The following SLC25A33 variants were observed in gnomAD, a reference collection of about 807,000 sequenced individuals.
SLC25A33 encodes bone marrow stromal cell mitochondrial carrier protein.
In SLC25A33, 15 loss-of-function variants were observed where a neutral mutation model predicts 35.5. That is an observed-to-expected ratio of 0.42 (90% CI 0.28 to 0.65). The LOEUF (loss-of-function observed/expected upper bound fraction) is 0.65. SLC25A33 is among the 30% of genes least tolerant of loss of function. SLC25A33 has a pLI of 0.20. For synonymous variants in SLC25A33, 136 were observed against 148.7 expected, an observed-to-expected ratio of 0.91 and a Z score of 0.62; for missense variants, 257 against 398.5, an observed-to-expected ratio of 0.64 and a Z score of 3.02.
chr1:9,571,303 T>G (rs2100404276), intron 4 of SLC25A33, among the ~76,000 whole-genome samples: 1 of 152,214 alleles, frequency 6.6e-6, no homozygotes, highest in East Asian at 1.9e-4. Flanking sequence ...CTTTTTTGTT[T>G]GTTTGTTTTT....
intron 2 of SLC25A33, chr1:9,556,113 G>A (rs1015207075): frequency 4.9e-6 from 4 of 824,270 alleles, no homozygotes; most frequent in African/African-American, 3.7e-5. Flanking sequence ...GGACAGATCC[G>A]AGTCCATGGC....
intron 1 of SLC25A33, among the ~76,000 whole-genome samples, chr1:9,542,440 T>C (rs1002173109): frequency 1.3e-5 from 2 of 152,310 alleles, no homozygotes; most frequent in East Asian, 3.9e-4. Flanking sequence ...CAAAAGTATG[T>C]TTTCAGAGTA....
chr1:9,562,714 C>G (rs999248909), intron 2 of SLC25A33, among the ~76,000 whole-genome samples: 1 of 151,118 alleles, frequency 6.6e-6, no homozygotes, highest in Non-Finnish European at 1.5e-5. Flanking sequence ...ATTAGCTGGG[C>G]GTAGTGGCGG....
At chr1:9,566,025 C>A (rs763277670) in intron 2 of SLC25A33, among the ~76,000 whole-genome samples, 1 of 151,936 alleles carries the variant, frequency 6.6e-6, no homozygotes, top group Non-Finnish European at 1.5e-5. Context: ...TCTGCCCTCC[C>A]CCGCCAACTT....
chr1:9,562,347 CA>C (rs56748646), intron 2 of SLC25A33, among the ~76,000 whole-genome samples: 261 of 84,152 alleles, frequency 3.1e-3, no homozygotes, highest in East Asian at 5.7e-3. Context: ...GACTCCATCT[CA>C]AAAAAAAAAA....
At position 9,578,303 on chromosome 1, in the gene SLC25A33, G is replaced by A. The variant is rs189434128; in HGVS notation, c.483-1651G>A. 2.4e-3 allele frequency among the ~76,000 whole-genome samples: 366 copies of A among 152,252 alleles called. No homozygotes were observed. Among genetic ancestry groups the A allele is most frequent in the Middle Eastern group, 6.8e-3 (2 of 294 alleles). On this transcript the variant is annotated intron_variant, in intron 5 of 6. Coordinates refer to ENST00000302692, the MANE Select transcript of SLC25A33 (RefSeq NM_032315.3). This position sits in a 1 kb window ranked among gnomAD's most constrained non-coding sequence, Gnocchi z 4.3. Reference sequence around the variant, plus strand: ...GCTAAGGAGCGGGAACAGTCTATGCGGAGATAATAAAGAAGGGAGAGAGGC... The same window carrying A: ...GCTAAGGAGCGGGAACAGTCTATGCAGAGATAATAAAGAAGGGAGAGAGGC...
chr1:9,577,576 CT>C (rs1374930661), intron 5 of SLC25A33, among the ~76,000 whole-genome samples: 1 of 152,054 alleles, frequency 6.6e-6, no homozygotes, highest in African/African-American at 2.4e-5. Flanking sequence ...TGCATCTGCG[CT>C]GGAGAAGGGA....
At chr1:9,580,728 C>T (rs976230645) in intron 6 of SLC25A33, among the ~76,000 whole-genome samples, 4 of 151,714 alleles carry the variant, frequency 2.6e-5, no homozygotes, top group African/African-American at 7.3e-5. Context: ...TGGTGGCGCA[C>T]GCCTGTAGTC....
Position 9,561,186 on chromosome 1 carries a change from G to A in SLC25A33, c.237-6098G>A, listed in dbSNP as rs575656090. 1.1e-4 allele frequency among the ~76,000 whole-genome samples: 16 copies of A among 152,136 alleles called. No individual in the cohort carries two copies. The South Asian group carries it at 2.7e-3, about 26-fold the overall frequency. ...ACTCCATCTCCTGGCCTTGTGATCCGCCCGCTTCGGCCTCCCAAAGTGCTG... is the reference window on the plus strand; with the variant it reads ...ACTCCATCTCCTGGCCTTGTGATCCACCCGCTTCGGCCTCCCAAAGTGCTG... On this transcript the variant is annotated intron_variant, in intron 2 of 6. Transcript: ENST00000302692.
chr1:9,576,600 C>T, intron 5 of SLC25A33: 1 of 575,920 alleles, frequency 1.7e-6, no homozygotes, highest in East Asian at 4.5e-5. Flanking sequence ...GGTGGGGTAA[C>T]AGAAAGGAAC....
chr1:9,556,681 C>CTG lies in SLC25A33; in HGVS notation c.236+2894_236+2895dup, dbSNP rs139323135. The stretch of plus-strand genomic sequence containing the variant: ...TAAGAGATTGTGTGTGTGTCTGTGT[C>CTG]TGTGTGTGTGTGTGTGTGTCTGTGT... On this transcript the variant is annotated intron_variant, in intron 2 of 6. Coordinates refer to ENST00000302692, the MANE Select transcript of SLC25A33 (RefSeq NM_032315.3). Among the ~76,000 whole-genome samples the CTG allele has an allele frequency of 1.5e-3, 222 of 149,484 alleles. 2 individuals carry two copies. Among genetic ancestry groups the CTG allele is most frequent in the South Asian group, 9.3e-3 (44 of 4,708 alleles).
intron 1 of SLC25A33, among the ~76,000 whole-genome samples, chr1:9,550,013 T>TTTTTTTC (rs1643243249): frequency 3.5e-5 from 1 of 28,724 alleles, no homozygotes; most frequent in Non-Finnish European, 6.9e-5. Context: ...ATATATATAT[T>TTTTTTTC]TTTTTTTTTT....
rs146917164 is a variant in SLC25A33, at chr1:9,561,832, G to A, written c.237-5452G>A. On this transcript the variant is annotated intron_variant, in intron 2 of 6. Coordinates refer to ENST00000302692, the MANE Select transcript of SLC25A33 (RefSeq NM_032315.3). ...TTTACACAATTTCTTGATACACTTA[G>A]CGTTTGAAAATCTTGATTATGTGCT... Among the ~76,000 whole-genome samples, 16 of 152,178 alleles carry A rather than the reference G, an allele frequency of 1.1e-4. No homozygotes were observed. In the East Asian group the frequency reaches 2.7e-3, roughly 26 times the overall value.
chr1:9,565,783 C>T (rs1643492812), intron 2 of SLC25A33, among the ~76,000 whole-genome samples: 2 of 149,912 alleles, frequency 1.3e-5, no homozygotes, highest in Admixed American at 1.3e-4. Flanking sequence ...GGGGCTGAGG[C>T]AGGAGAATGG....
At chr1:9,570,009 C>A (rs1267305042) in intron 3 of SLC25A33, among the ~76,000 whole-genome samples, 1 of 152,122 alleles carries the variant, frequency 6.6e-6, no homozygotes. Context: ...AGATGTCTTC[C>A]CCAAATCTCA....
chr1:9,556,691 G>C (rs1205114598), intron 2 of SLC25A33, among the ~76,000 whole-genome samples: 1 of 151,796 alleles, frequency 6.6e-6, no homozygotes, highest in East Asian at 1.9e-4. Flanking sequence ...CTGTGTGTGT[G>C]TGTGTGTGTC....
intron 2 of SLC25A33, among the ~76,000 whole-genome samples, chr1:9,561,977 C>G (rs1041121485): frequency 1.3e-5 from 2 of 149,314 alleles, no homozygotes; most frequent in African/African-American, 2.5e-5. Context: ...TGTTTGAACC[C>G]GGGAGGTGGA....
intron 1 of SLC25A33, among the ~76,000 whole-genome samples, chr1:9,552,269 G>A (rs1168911185): frequency 6.6e-6 from 1 of 152,080 alleles, no homozygotes; most frequent in African/African-American, 2.4e-5. Context: ...AGGCTGGAGT[G>A]CAGTGACACA....
At chr1:9,577,342 A>C (rs1429545810) in intron 5 of SLC25A33, among the ~76,000 whole-genome samples, 2 of 151,974 alleles carry the variant, frequency 1.3e-5, no homozygotes, top group Non-Finnish European at 1.5e-5. Flanking sequence ...GAGGCAGGAG[A>C]ATGGCGTGAA....
Sources: gnomAD v4.1 joint callset for allele counts (sites outside exome capture counted in the v4.1 genomes callset) on GRCh38, gnomAD v4.1.1 for gene constraint, Gnocchi (gnomAD v3.1) non-coding constraint, MANE v1.5 for transcripts, NCBI Gene and HGNC (gene_info 2026-07-23, HGNC 2026-07-21) for gene names.